SLC24A2: variants seen among roughly 807,000 people sequenced by gnomAD.
SLC24A2 encodes solute carrier family 24 member 2.
SLC24A2 carries 36 observed loss-of-function variants against 62.0 expected under a neutral mutation model. The observed-to-expected ratio is 0.58, with a 90% CI of 0.44 to 0.77. The LOEUF is 0.77. SLC24A2 is among the 30% of genes least tolerant of loss of function. SLC24A2 has a pLI of 0.00. For missense variants in SLC24A2, 846 were observed against 817.9 expected (o/e 1.03, Z -0.42); for synonymous variants, 358 against 294.0 (o/e 1.22, Z -2.23).
the SLC24A2 span, among the ~76,000 whole-genome samples, chr9:20,257,157 C>G: frequency 2.0e-5 from 3 of 152,174 alleles, no homozygotes; most frequent in Non-Finnish European, 4.4e-5. Context: ...AGCTTATACC[C>G]AATGCCTAGA....
chr9:20,245,313 G>T, the SLC24A2 span, among the ~76,000 whole-genome samples: 1 of 152,204 alleles, frequency 6.6e-6, no homozygotes, highest in Admixed American at 6.5e-5. Flanking sequence ...TATTTCCACA[G>T]AACTGTGACT....
intron 5 of SLC24A2, among the ~76,000 whole-genome samples, chr9:19,583,220 C>A (rs1273204177): frequency 6.6e-6 from 1 of 152,194 alleles, no homozygotes; most frequent in Non-Finnish European, 1.5e-5. Flanking sequence ...CTTGAAAACG[C>A]TGTGCACAAT....
Position 19,782,580 on chromosome 9 carries a change from G to A in SLC24A2, c.930+3357C>T, listed in dbSNP as rs151229927. 1.3e-3 allele frequency among the ~76,000 whole-genome samples: 197 copies of A among 152,142 alleles called. 1 individual carries two copies. The highest frequency in any genetic ancestry group is 4.3e-3 in the African/African-American group (177 of 41,488). ...ATTATATAACCCTAAGGGGTATGAC[G>A]GACTGCTTAACTCAAGGATTCACTG... is the stretch of plus-strand genomic sequence containing the variant. On this transcript the variant is annotated intron_variant, in intron 2 of 10. Coordinates refer to ENST00000341998, the MANE Select transcript of SLC24A2 (RefSeq NM_020344.4).
intron 3 of SLC24A2, among the ~76,000 whole-genome samples, chr9:19,620,026 A>C (rs1168137306): frequency 1.3e-5 from 2 of 152,218 alleles, no homozygotes; most frequent in African/African-American, 2.4e-5. Context: ...AGATGAGGAC[A>C]TTTCATCTCA....
chr9:20,055,315 A>T, the SLC24A2 span, among the ~76,000 whole-genome samples: 1 of 152,354 alleles, frequency 6.6e-6, no homozygotes, highest in East Asian at 1.9e-4. Flanking sequence ...ATTGAAGAAA[A>T]ATACATGATA....
At chr9:19,834,225 G>C in the SLC24A2 span, among the ~76,000 whole-genome samples, 1 of 152,182 alleles carries the variant, frequency 6.6e-6, no homozygotes, top group Admixed American at 6.5e-5. Flanking sequence ...GCTGGATGGA[G>C]AATGACTTTG....
chr9:20,214,804 T>A, the SLC24A2 span, among the ~76,000 whole-genome samples: 1 of 152,142 alleles, frequency 6.6e-6, no homozygotes, highest in Non-Finnish European at 1.5e-5. Context: ...AGAACTGACA[T>A]TCACATAAAG....
intron 2 of SLC24A2, 75 bp downstream of exon 2, chr9:19,785,862 C>A: frequency 1.9e-6 from 3 of 1,592,246 alleles, no homozygotes; most frequent in African/African-American, 2.7e-5. Flanking sequence ...ATCAAAAGAA[C>A]TGCAGATCTC....
At chr9:20,258,631 G>C in the SLC24A2 span, among the ~76,000 whole-genome samples, 2 of 152,116 alleles carry the variant, frequency 1.3e-5, no homozygotes, top group East Asian at 3.8e-4. Context: ...TCAGCCTTTG[G>C]CCTCTGACTA....
intron 2 of SLC24A2, among the ~76,000 whole-genome samples, chr9:19,775,536 G>T (rs141234804): frequency 6.6e-6 from 1 of 152,338 alleles, no homozygotes; most frequent in African/African-American, 2.4e-5. Context: ...TGCTTGGAGA[G>T]GAAGCATTGA....
At chr9:19,739,078 C>T (rs1821596793) in intron 2 of SLC24A2, among the ~76,000 whole-genome samples, 1 of 152,220 alleles carries the variant, frequency 6.6e-6, no homozygotes, top group African/African-American at 2.4e-5. Flanking sequence ...GATCGTGCCA[C>T]TGCACTCCAT....
chr9:19,914,058 C>G, the SLC24A2 span, among the ~76,000 whole-genome samples: 1 of 152,042 alleles, frequency 6.6e-6, no homozygotes, highest in African/African-American at 2.4e-5. Flanking sequence ...AGAAACCTCA[C>G]AGTTGCCCTT....
the SLC24A2 span, among the ~76,000 whole-genome samples, chr9:19,948,570 C>G: frequency 5.3e-4 from 81 of 152,294 alleles, no homozygotes; most frequent in Non-Finnish European, 9.0e-4. Context: ...GAAAACAGAG[C>G]TAACGGGCCG....
the SLC24A2 span, among the ~76,000 whole-genome samples, chr9:20,135,350 C>A: frequency 7.6e-5 from 9 of 117,670 alleles, no homozygotes; most frequent in Admixed American, 3.7e-4. Flanking sequence ...TTTTTAATTA[C>A]AATTTAAAAT....
At chr9:19,753,674 A>T (rs1033413101) in intron 2 of SLC24A2, among the ~76,000 whole-genome samples, 3 of 152,148 alleles carry the variant, frequency 2.0e-5, no homozygotes. Flanking sequence ...CACCAAGCAC[A>T]CTGTTGGCCT....
intron 2 of SLC24A2, among the ~76,000 whole-genome samples, chr9:19,746,494 A>T (rs896190427): frequency 1.3e-5 from 2 of 151,860 alleles, no homozygotes; most frequent in Non-Finnish European, 2.9e-5. Flanking sequence ...TGAATTCAAT[A>T]AAAAACTCCA....
At chr9:20,020,413 C>A in the SLC24A2 span, among the ~76,000 whole-genome samples, 1 of 152,158 alleles carries the variant, frequency 6.6e-6, no homozygotes. Context: ...GAGTTCATGT[C>A]CTTTGCAAGG....
intron 9 of SLC24A2, 74 bp from the exon 10 acceptor site, chr9:19,521,134 G>T (rs1833177904): frequency 1.5e-6 from 2 of 1,366,968 alleles, no homozygotes; most frequent in Non-Finnish European, 2.1e-6. Context: ...AAATTTCAAT[G>T]CGACCTCCTT....
chr9:19,676,075 G>T (rs945186773), intron 2 of SLC24A2, among the ~76,000 whole-genome samples: 1 of 152,098 alleles, frequency 6.6e-6, no homozygotes, highest in Non-Finnish European at 1.5e-5. Flanking sequence ...CCTGTATTTT[G>T]CTCAGCTCTC....
Sources: gnomAD v4.1 joint callset for allele counts (sites outside exome capture counted in the v4.1 genomes callset) on GRCh38, gnomAD v4.1.1 for gene constraint, MANE v1.5 for transcripts, NCBI Gene and HGNC (gene_info 2026-07-23, HGNC 2026-07-21) for gene names.